Variants in CORO2B observed in about 807,000 individuals in gnomAD.
CORO2B encodes coronin 2B, also known as coronin-2B.
A neutral mutation model predicts 58.8 loss-of-function variants in CORO2B; 26 were observed. That is an observed-to-expected ratio of 0.44 (90% CI 0.32 to 0.61). The LOEUF (loss-of-function observed/expected upper bound fraction) is 0.61, where lower values mean the gene tolerates loss of function less well. CORO2B is among the 20% of genes least tolerant of loss of function. The probability of loss-of-function intolerance (pLI) is 0.04; values close to 1 mark genes in which losing one functional copy is unlikely to be tolerated. For synonymous variants in CORO2B, 242 were observed against 253.8 expected (o/e 0.95, Z 0.44); for missense variants, 460 against 645.1 (o/e 0.71, Z 3.11).
At chr15:68,702,962 G>T (rs1208878654) in intron 3 of CORO2B, among the ~76,000 whole-genome samples, 2 of 150,860 alleles carry the variant, frequency 1.3e-5, no homozygotes. Flanking sequence ...AAGTAGCTGG[G>T]ACTACAGGCC....
chr15:68,691,086 T>C lies in CORO2B; in HGVS notation c.217-4054T>C, dbSNP rs543104433. Among the ~76,000 whole-genome samples, 6 of 151,574 alleles carry C rather than the reference T, an allele frequency of 4.0e-5. No homozygotes were observed. In the South Asian group the frequency reaches 1.3e-3, roughly 32 times the overall value. ...GGCTCACGCCTGTAATCCCAGCACTTTGGGAGGCCAAGGCGGGTGGATCAC... is the reference window on the plus strand; with the variant it reads ...GGCTCACGCCTGTAATCCCAGCACTCTGGGAGGCCAAGGCGGGTGGATCAC... On this transcript the variant is annotated intron_variant, in intron 2 of 11. Coordinates refer to ENST00000261861, the MANE Select transcript of CORO2B (RefSeq NM_006091.5).
intron 2 of CORO2B, among the ~76,000 whole-genome samples, chr15:68,663,481 C>T (rs1181999673): frequency 3.3e-5 from 5 of 152,158 alleles, no homozygotes; most frequent in South Asian, 2.1e-4. Context: ...CACACATACA[C>T]GCGCACACAC....
chr15:68,709,471 T>C (rs1383299044), intron 3 of CORO2B, among the ~76,000 whole-genome samples: 2 of 149,694 alleles, frequency 1.3e-5, no homozygotes, highest in African/African-American at 4.9e-5. Context: ...TTTTTTTTTT[T>C]TTTTTTTTTA....
At chr15:68,686,482 T>C (rs1017404008) in intron 2 of CORO2B, among the ~76,000 whole-genome samples, 1 of 152,322 alleles carries the variant, frequency 6.6e-6, no homozygotes, top group Non-Finnish European at 1.5e-5. Context: ...CAAGTCACCT[T>C]GGGCAAGTCG....
At chr15:68,665,595 A>T (rs900675109) in intron 2 of CORO2B, among the ~76,000 whole-genome samples, 1 of 151,734 alleles carries the variant, frequency 6.6e-6, no homozygotes, top group African/African-American at 2.4e-5. Flanking sequence ...AATATCCATG[A>T]TCATAGTTTA....
intron 2 of CORO2B, among the ~76,000 whole-genome samples, chr15:68,681,883 C>T (rs563189551): frequency 1.3e-5 from 2 of 152,102 alleles, no homozygotes; most frequent in Middle Eastern, 3.2e-3. Flanking sequence ...CACCCCCAAC[C>T]CCAGTCCTCT....
chr15:68,652,345 G>A (rs566378199), intron 2 of CORO2B, among the ~76,000 whole-genome samples: 1 of 152,314 alleles, frequency 6.6e-6, no homozygotes, highest in East Asian at 1.9e-4. Context: ...AGCTGGAGGG[G>A]CCTTATGAAT....
intron 3 of CORO2B, among the ~76,000 whole-genome samples, chr15:68,708,517 C>T (rs975705159): frequency 4.6e-5 from 7 of 151,828 alleles, no homozygotes; most frequent in Non-Finnish European, 1.0e-4. Flanking sequence ...CCTGCCACTA[C>T]GCCTGGCTAA....
intron 1 of CORO2B, among the ~76,000 whole-genome samples, chr15:68,585,044 AC>A (rs1899517170): frequency 6.6e-6 from 1 of 152,044 alleles, no homozygotes; most frequent in African/African-American, 2.4e-5. Context: ...CCCTGGAGGG[AC>A]TTTGTAATTG....
At chr15:68,586,829 C>G (rs376391676) in intron 1 of CORO2B, among the ~76,000 whole-genome samples, 1 of 152,070 alleles carries the variant, frequency 6.6e-6, no homozygotes, top group Non-Finnish European at 1.5e-5. Context: ...CGATGCCTCA[C>G]GGAGCCTCCT....
At chr15:68,601,974 G>A (rs1899995938) in intron 1 of CORO2B, among the ~76,000 whole-genome samples, 1 of 151,854 alleles carries the variant, frequency 6.6e-6, no homozygotes, top group East Asian at 1.9e-4. Flanking sequence ...CATGGCGGAA[G>A]GCAGAAGGCA....
At chr15:68,584,741 A>G (rs1899509359) in intron 1 of CORO2B, among the ~76,000 whole-genome samples, 1 of 152,010 alleles carries the variant, frequency 6.6e-6, no homozygotes, top group South Asian at 2.1e-4. Flanking sequence ...GATCAGCCCC[A>G]TTGGGTTCCC....
At chr15:68,669,223 C>A (rs540186447) in intron 2 of CORO2B, among the ~76,000 whole-genome samples, 1 of 152,016 alleles carries the variant, frequency 6.6e-6, no homozygotes, top group South Asian at 2.1e-4. Context: ...GGAGACAGGA[C>A]TCGGCCTTGA....
the CORO2B span, among the ~76,000 whole-genome samples, chr15:68,547,631 C>T: frequency 0.15 from 23,047 of 152,020 alleles, 2,110 homozygotes; most frequent in Middle Eastern, 0.25. Flanking sequence ...CGTGAGCCAC[C>T]GCACCCGGCC....
chr15:68,699,868 C>T (rs1222200101), intron 3 of CORO2B, among the ~76,000 whole-genome samples: 1 of 152,230 alleles, frequency 6.6e-6, no homozygotes, highest in Admixed American at 6.5e-5. Flanking sequence ...AACTGAGGCT[C>T]AGGGCCATGG....
At chr15:68,563,265 A>G in the CORO2B span, among the ~76,000 whole-genome samples, 1 of 152,028 alleles carries the variant, frequency 6.6e-6, no homozygotes, top group African/African-American at 2.4e-5. Context: ...AGACAGGAGG[A>G]TCCCTTGAGC....
rs1542746 is a variant in CORO2B at position 68,715,317 on chromosome 15, T to G, written c.967+6T>G. On this transcript the variant is annotated splice_donor_region_variant and intron_variant, in intron 8 of 11. Coordinates refer to ENST00000261861, the MANE Select transcript of CORO2B (RefSeq NM_006091.5). ...AGCCCCGCAGAAAGGCCTAGGTAAG[T>G]GGCCCCGAGGCTGCCACAGCTGGTG... 1,543,243 of 1,612,566 alleles carry G rather than the reference T, an allele frequency of 0.96. 739,397 individuals are homozygous for G. The highest frequency in any genetic ancestry group is 1 in the East Asian group (44,856 of 44,864).
In CORO2B at chr15:68,631,002, C is replaced by T. The variant is rs550501662; in HGVS notation, c.16-14158C>T. Among the ~76,000 whole-genome samples, 3 of 152,324 alleles carry T rather than the reference C, an allele frequency of 2.0e-5. No individual in the cohort carries two copies. The South Asian group carries it at 6.2e-4, about 32-fold the overall frequency. On this transcript the variant is annotated intron_variant, in intron 1 of 11. Transcript: ENST00000261861. ...GGACTTCCTCCTAGGTCTCACTTGC[C>T]AGAACTGGGTCTTGGACCCTCTCCC...
In CORO2B at chr15:68,613,489, C is replaced by G. The variant is rs180835426; in HGVS notation, c.16-31671C>G. Among the ~76,000 whole-genome samples, 79 of 152,274 alleles carry G rather than the reference C, an allele frequency of 5.2e-4. 2 individuals are homozygous for G. Among genetic ancestry groups the G allele is most frequent in the African/African-American group, 1.9e-3 (78 of 41,554 alleles). ...CTCTATGTGGCAAAGCTTGAAGGAC[C>G]AGTCTTCAGTCCCCTGGTGGCTGGC... is the stretch of plus-strand genomic sequence containing the variant. On this transcript the variant is annotated intron_variant, in intron 1 of 11. Coordinates refer to ENST00000261861, the MANE Select transcript of CORO2B (RefSeq NM_006091.5).
Sources: gnomAD v4.1 joint callset for allele counts (sites outside exome capture counted in the v4.1 genomes callset) on GRCh38, gnomAD v4.1.1 for gene constraint, MANE v1.5 for transcripts, NCBI Gene and HGNC (gene_info 2026-07-23, HGNC 2026-07-21) for gene names.